The following GBE1 variants were observed in gnomAD, a reference collection of about 807,000 sequenced individuals.
GBE1 encodes the protein 1,4-alpha-glucan-branching enzyme.
GBE1 carries 70 observed loss-of-function variants against 88.8 expected under a neutral mutation model. That is an observed-to-expected ratio of 0.79 (90% confidence interval 0.65 to 0.96). The LOEUF is 0.96. Among genes scored for constraint, GBE1 ranks in the 40% least tolerant of loss-of-function variants. GBE1 has a pLI of 0.00. For missense variants in GBE1, 872 were observed against 871.0 expected (o/e 1.00, Z -0.01); for synonymous variants, 284 against 300.1 (o/e 0.95, Z 0.56).
chr3:81,702,124 T>A (rs867612133), intron 2 of GBE1, among the ~76,000 whole-genome samples: 24,356 of 139,024 alleles, frequency 0.18, 3,053 homozygotes, highest in African/African-American at 0.28. Flanking sequence ...TGTGTGTGTG[T>A]GTGTGTGTGT....
At chr3:81,648,346 G>A (rs1209006473) in intron 5 of GBE1, among the ~76,000 whole-genome samples, 5 of 152,234 alleles carry the variant, frequency 3.3e-5, no homozygotes, top group Admixed American at 1.3e-4. Flanking sequence ...GACAGGATCT[G>A]TGCCATTACA....
chr3:81,688,143 G>A (rs1450916664), intron 2 of GBE1, among the ~76,000 whole-genome samples: 1 of 152,198 alleles, frequency 6.6e-6, no homozygotes. Context: ...TATGGAAATA[G>A]TGTGCTACTC....
intron 3 of GBE1, among the ~76,000 whole-genome samples, chr3:81,652,682 T>C (rs1473917931): frequency 6.6e-6 from 1 of 152,228 alleles, no homozygotes; most frequent in African/African-American, 2.4e-5. Flanking sequence ...AGGTTTTACT[T>C]ACTAGTACAT....
At chr3:81,506,612 T>C (rs1277078182) in intron 14 of GBE1, among the ~76,000 whole-genome samples, 1 of 152,162 alleles carries the variant, frequency 6.6e-6, no homozygotes, top group Non-Finnish European at 1.5e-5. Context: ...TAAAGACACA[T>C]GCAGGCACAT....
chr3:81,733,406 CA>C lies in GBE1; in HGVS notation c.144-27794del, dbSNP rs1424242273. ...TGTAATAAAATAGAAATAAAGTGCA[CA>C]AAAAAAATGTAATGCACTTGAATCA... On this transcript the variant is annotated intron_variant, in intron 1 of 15. Transcript: ENST00000429644. The surrounding 1 kb of genome is among the most constrained non-coding windows in gnomAD (Gnocchi z 4.0). Among the ~76,000 whole-genome samples, 1 of 151,758 alleles carries C rather than the reference CA, an allele frequency of 6.6e-6. No homozygotes were observed. The highest frequency in any genetic ancestry group is 3.4e-3 in the Middle Eastern group (1 of 294).
chr3:81,648,212 T>C (rs1390365776), intron 5 of GBE1, among the ~76,000 whole-genome samples: 1 of 152,106 alleles, frequency 6.6e-6, no homozygotes, highest in East Asian at 1.9e-4. Flanking sequence ...GCCTAGTCAT[T>C]GAAGCAGGTG....
rs1360637245 is a variant in GBE1, at chr3:81,750,674, C to T, written c.143+10701G>A. On this transcript the variant is annotated intron_variant, in intron 1 of 15. Transcript: ENST00000429644. ...ATATATATATGTATATATATATATA[C>T]GTATATATATATATATATATGTATT... Among the ~76,000 whole-genome samples, 22 of 54,418 alleles carry T rather than the reference C, an allele frequency of 4.0e-4. 1 individual carries two copies. Among genetic ancestry groups the T allele is most frequent in the East Asian group, 1.7e-3 (1 of 590 alleles). The allele number at this position is 54,418 out of a possible 152,430, so 35.7% of individuals were successfully genotyped here.
chr3:81,548,185 G>A (rs980031088), intron 12 of GBE1, among the ~76,000 whole-genome samples: 1 of 151,390 alleles, frequency 6.6e-6, no homozygotes, highest in African/African-American at 2.4e-5. Context: ...GCTCAAAACA[G>A]GTTTTTCTTA....
chr3:81,746,150 G>A (rs1411144729), intron 1 of GBE1, among the ~76,000 whole-genome samples: 6 of 152,096 alleles, frequency 3.9e-5, no homozygotes, highest in African/African-American at 7.2e-5. Flanking sequence ...AGTAATAGGT[G>A]TTTGTTTTTT....
chr3:81,679,805 T>G (rs75776049), intron 2 of GBE1, among the ~76,000 whole-genome samples: 1 of 152,234 alleles, frequency 6.6e-6, no homozygotes, highest in Non-Finnish European at 1.5e-5. Context: ...GAGGCTTACT[T>G]TGTAGCTCAA....
intron 10 of GBE1, among the ~76,000 whole-genome samples, chr3:81,583,731 G>A (rs1259712538): frequency 1.3e-5 from 2 of 152,030 alleles, no homozygotes; most frequent in Non-Finnish European, 2.9e-5. Context: ...GTGGTTGCCA[G>A]CGGTTAAGGC....
At chr3:81,760,047 A>T (rs375136511) in intron 1 of GBE1, among the ~76,000 whole-genome samples, 84 of 152,300 alleles carry the variant, frequency 5.5e-4, no homozygotes, top group African/African-American at 1.9e-3. Flanking sequence ...ATCCAACCTT[A>T]AACCTATGAC....
At chr3:81,686,680 G>A (rs1003992270) in intron 2 of GBE1, among the ~76,000 whole-genome samples, 8 of 152,070 alleles carry the variant, frequency 5.3e-5, no homozygotes, top group Admixed American at 5.2e-4. Flanking sequence ...GCTTGAAACT[G>A]GGAGGCAGAG....
intron 7 of GBE1, among the ~76,000 whole-genome samples, chr3:81,625,866 G>A (rs1206796681): frequency 6.6e-6 from 1 of 152,190 alleles, no homozygotes; most frequent in Non-Finnish European, 1.5e-5. Context: ...GAAAGAGAAG[G>A]AGAGGAAGAA....
chr3:81,548,023 C>T (rs1238005662), intron 12 of GBE1, among the ~76,000 whole-genome samples: 2 of 151,540 alleles, frequency 1.3e-5, no homozygotes, highest in South Asian at 2.1e-4. Flanking sequence ...TTGGTCTCTG[C>T]TGTCACAATG....
At chr3:81,508,577 A>T (rs1183754643) in intron 14 of GBE1, among the ~76,000 whole-genome samples, 1 of 152,164 alleles carries the variant, frequency 6.6e-6, no homozygotes, top group Non-Finnish European at 1.5e-5. Flanking sequence ...AACTCAAAAT[A>T]ATTTTGATTC....
intron 14 of GBE1, among the ~76,000 whole-genome samples, chr3:81,520,699 A>G (rs2106845630): frequency 6.6e-6 from 1 of 151,732 alleles, no homozygotes; most frequent in South Asian, 2.1e-4. Flanking sequence ...TGAAATATGA[A>G]ACCTGCCTAT....
chr3:81,749,973 C>T (rs1446519256), intron 1 of GBE1, among the ~76,000 whole-genome samples: 2 of 152,142 alleles, frequency 1.3e-5, no homozygotes, highest in African/African-American at 4.8e-5. Context: ...AGAGGTTTGC[C>T]TAATACTGCA....
chr3:81,637,859 A>T (rs1220648546), intron 7 of GBE1, among the ~76,000 whole-genome samples: 1 of 152,124 alleles, frequency 6.6e-6, no homozygotes, highest in East Asian at 1.9e-4. Context: ...ATCATATATA[A>T]TTAAGCTAAA....
Sources: allele counts gnomAD v4.1 joint callset (sites outside exome capture counted in the v4.1 genomes callset), GRCh38; gene constraint gnomAD v4.1.1; non-coding constraint Gnocchi (gnomAD v3.1); transcripts MANE v1.5; gene names NCBI Gene and HGNC (gene_info 2026-07-23, HGNC 2026-07-21).